SHC3: variants seen among roughly 807,000 people sequenced by gnomAD.
The protein encoded by SHC3 is SHC-transforming protein 3.
A neutral mutation model predicts 60.4 loss-of-function variants in SHC3; 15 were observed. That is an observed-to-expected ratio of 0.25 (90% CI 0.17 to 0.38). The LOEUF (loss-of-function observed/expected upper bound fraction) is 0.38, where lower values mean the gene tolerates loss of function less well. Among genes scored for constraint, SHC3 ranks in the 10% least tolerant of loss-of-function variants. The pLI is 1.00. For missense variants in SHC3, 677 were observed against 786.1 expected (o/e 0.86, Z 1.66); for synonymous variants, 294 against 325.9 (o/e 0.90, Z 1.05).
intron 8 of SHC3, among the ~76,000 whole-genome samples, chr9:89,046,345 C>T (rs992693576): frequency 2.0e-5 from 3 of 151,920 alleles, no homozygotes; most frequent in Admixed American, 6.6e-5. Flanking sequence ...AAGGTAGTAA[C>T]GTTAAAAAAT....
chr9:89,109,127 C>G (rs1005897955), intron 2 of SHC3: 1 of 985,348 alleles, frequency 1.0e-6, no homozygotes, highest in African/African-American at 1.7e-5. Context: ...ATAGGAAATC[C>G]TCTACAAACA....
At chr9:89,085,414 G>A (rs1825513064) in intron 2 of SHC3, among the ~76,000 whole-genome samples, 1 of 152,220 alleles carries the variant, frequency 6.6e-6, no homozygotes. Context: ...CTAAGATGAA[G>A]AGGCCAGTCT....
rs139478549 is a variant in SHC3 at position 89,164,633 on chromosome 9, A to T, written c.474+13354T>A. 3.0e-3 allele frequency among the ~76,000 whole-genome samples: 456 copies of T among 152,252 alleles called. 4 individuals carry two copies. The highest frequency in any genetic ancestry group is 9.6e-3 in the African/African-American group (397 of 41,550). ...TTTAATTAGGCAGATGAGATGACAG[A>T]CATGTATTTTAGAAAGATAAATAAT... On this transcript the variant is annotated intron_variant, in intron 1 of 11. Transcript: ENST00000375835.
intron 2 of SHC3, among the ~76,000 whole-genome samples, chr9:89,099,828 C>T (rs556310203): frequency 1.1e-4 from 17 of 152,282 alleles, no homozygotes; most frequent in African/African-American, 3.1e-4. Context: ...ATCTTAACAG[C>T]GTTGAGTTTG....
chr9:89,082,021 A>G (rs1174691036), intron 2 of SHC3, among the ~76,000 whole-genome samples: 1 of 151,974 alleles, frequency 6.6e-6, no homozygotes, highest in Non-Finnish European at 1.5e-5. Context: ...CTTGCAGGGA[A>G]ACAGGCGACC....
intron 1 of SHC3, among the ~76,000 whole-genome samples, chr9:89,131,321 C>A (rs866679892): frequency 6.6e-6 from 1 of 152,144 alleles, no homozygotes; most frequent in Admixed American, 6.6e-5. Flanking sequence ...CCAAATTCTA[C>A]CAGAGGTACA....
intron 1 of SHC3, among the ~76,000 whole-genome samples, chr9:89,157,876 C>A (rs1826648408): frequency 1.3e-5 from 2 of 151,962 alleles, no homozygotes; most frequent in South Asian, 4.2e-4. Context: ...CCCACCTTCG[C>A]CTACCAAAGT....
In SHC3 at chr9:89,041,241, C is replaced by T. The variant is rs577431834; in HGVS notation, c.1360+785G>A. On this transcript the variant is annotated intron_variant, in intron 10 of 11. Transcript: ENST00000375835. ...TCACTTTCATTAATCAGTTCATGAA[C>T]GATTTAATTTCCTCAGTCTATATGA... is the stretch of plus-strand genomic sequence containing the variant. Among the ~76,000 whole-genome samples, 5 of 152,252 alleles carry T rather than the reference C, an allele frequency of 3.3e-5. No individual in the cohort carries two copies. In the South Asian group the frequency reaches 6.2e-4, roughly 19 times the overall value.
chr9:89,120,766 G>C (rs1826080821), intron 1 of SHC3, among the ~76,000 whole-genome samples: 1 of 151,886 alleles, frequency 6.6e-6, no homozygotes. Flanking sequence ...ATAATTCCGA[G>C]AGATAAAATC....
At chr9:89,114,838 AC>A (rs375433429) in intron 1 of SHC3, among the ~76,000 whole-genome samples, 131 of 152,290 alleles carry the variant, frequency 8.6e-4, no homozygotes, top group African/African-American at 3.0e-3. Flanking sequence ...TTATAAGACT[AC>A]CACCAGCAGC....
intron 11 of SHC3, among the ~76,000 whole-genome samples, chr9:89,031,505 C>A (rs1824492241): frequency 6.6e-6 from 1 of 152,176 alleles, no homozygotes; most frequent in African/African-American, 2.4e-5. Flanking sequence ...GGTCTTTTGT[C>A]ACTAGCTTCT....
chr9:89,043,019 G>A (rs1460766483), intron 9 of SHC3, among the ~76,000 whole-genome samples: 3 of 152,156 alleles, frequency 2.0e-5, no homozygotes, highest in Non-Finnish European at 4.4e-5. Flanking sequence ...TTGTGTGTGC[G>A]CCCTGTCTCC....
chr9:89,135,597 T>A (rs1478843863), intron 1 of SHC3, among the ~76,000 whole-genome samples: 1 of 152,170 alleles, frequency 6.6e-6, no homozygotes, highest in African/African-American at 2.4e-5. Context: ...AAAAGTGGGA[T>A]AATAGAGAGA....
At position 89,046,851 on chromosome 9, in the gene SHC3, G is replaced by T; in HGVS notation, c.1106C>A (p.Thr369Lys). Residue 369 changes from threonine (T) to lysine (K), a missense_variant, in exon 8 of 12, where the codon ACA becomes AAA. Coordinates refer to ENST00000375835, the MANE Select transcript of SHC3 (RefSeq NM_016848.6). The stretch of plus-strand genomic sequence containing the variant: ...AAAAACTATAAGACTTACCTGGGCT[G>T]TGTCAGGAGCATGGGGTCTGGGTTT... Reference protein sequence around the residue: ...RLKPRPHAPDTAQFAGKEQTY... With the variant: ...RLKPRPHAPDKAQFAGKEQTY... The T allele has an allele frequency of 3.8e-6, 6 of 1,597,976 alleles. No individual in the cohort carries two copies. Among genetic ancestry groups the T allele is most frequent in the Non-Finnish European group, 5.1e-6 (6 of 1,173,382 alleles).
intron 1 of SHC3, among the ~76,000 whole-genome samples, chr9:89,143,270 C>T (rs2118196140): frequency 6.6e-6 from 1 of 152,296 alleles, no homozygotes; most frequent in Middle Eastern, 3.4e-3. Flanking sequence ...TGTAAACTGT[C>T]ATGGCACTGG....
chr9:89,095,482 T>C (rs188059135), intron 2 of SHC3, among the ~76,000 whole-genome samples: 22 of 152,180 alleles, frequency 1.4e-4, no homozygotes, highest in Non-Finnish European at 2.6e-4. Flanking sequence ...TGTTGTCTAA[T>C]GGGGACAGAG....
chr9:89,073,080 A>G (rs1473496856), intron 4 of SHC3, among the ~76,000 whole-genome samples: 1 of 152,170 alleles, frequency 6.6e-6, no homozygotes, highest in Non-Finnish European at 1.5e-5. Flanking sequence ...TCTGGCGCAA[A>G]GGTAGAGGGC....
intron 2 of SHC3, chr9:89,109,248 G>A (rs1587732141): frequency 2.5e-6 from 2 of 803,000 alleles, no homozygotes; most frequent in Non-Finnish European, 1.5e-6. Context: ...AGAAATGTCT[G>A]AAGAGAGAGG....
chr9:89,072,424 G>A (rs749882460), intron 4 of SHC3, among the ~76,000 whole-genome samples: 35 of 152,054 alleles, frequency 2.3e-4, no homozygotes, highest in Non-Finnish European at 4.0e-4. Flanking sequence ...AGAATGGGGG[G>A]AAATGTGGCC....
Sources: gnomAD v4.1 joint callset for allele counts (sites outside exome capture counted in the v4.1 genomes callset) on GRCh38, gnomAD v4.1.1 for gene constraint, MANE v1.5 for transcripts, NCBI Gene and HGNC (gene_info 2026-07-23, HGNC 2026-07-21) for gene names.